Variants in TEX15 observed in about 807,000 individuals in gnomAD.
TEX15 encodes the protein testis expressed 15, meiosis and synapsis associated, also known as testis-expressed protein 15.
Under a neutral mutation model 237.3 loss-of-function variants are expected in TEX15, and 171 were observed. The ratio of observed to expected loss-of-function variants is 0.72; its 90% CI spans 0.64 to 0.82. The LOEUF (loss-of-function observed/expected upper bound fraction) is 0.82. Among genes scored for constraint, TEX15 ranks in the 40% least tolerant of loss-of-function variants. The pLI, the probability that TEX15 is intolerant of heterozygous loss-of-function variation, is 0.00. For synonymous variants in TEX15, 1,338 were observed against 1,269.8 expected, an observed-to-expected ratio of 1.05 and a Z score of -1.14; for missense variants, 3,750 against 3,646.5, an observed-to-expected ratio of 1.03 and a Z score of -0.73.
intron 2 of TEX15, chr8:30,887,855 A>G (rs917171094): frequency 6.8e-6 from 1 of 147,376 alleles, no homozygotes; most frequent in African/African-American, 2.5e-5. Flanking sequence ...TTTCACATAT[A>G]TATTTCGCAC....
chr8:30,910,664 T>C (rs1313274855), intron 1 of TEX15, among the ~76,000 whole-genome samples: 1 of 144,222 alleles, frequency 6.9e-6, no homozygotes, highest in Non-Finnish European at 1.5e-5. Context: ...TGCCCCAGGC[T>C]GGTCTTGAAC....
chr8:30,854,864 AAAC>A (rs1486453634), intron 7 of TEX15, among the ~76,000 whole-genome samples: 8 of 152,204 alleles, frequency 5.3e-5, no homozygotes, highest in East Asian at 1.9e-4. Context: ...ATATCGATAA[AAAC>A]AACAACAAAA....
Position 30,833,079 on chromosome 8 carries a change from G to A in TEX15, c.*207C>T, listed in dbSNP as rs1807216283. On this transcript the variant is annotated 3_prime_UTR_variant, in exon 11 of 11. Transcript: ENST00000643185. ...TATTACCCTCCCCTTATAATTGCAT[G>A]GAAATAATTCTGGTATATCAGATGT... 4.6e-6 allele frequency: 2 copies of A among 435,188 alleles called. No individual in the cohort carries two copies. The highest frequency in any genetic ancestry group is 8.2e-6 in the Non-Finnish European group (2 of 242,562). The allele number at this position is 435,188 out of a possible 1,614,324, so 27.0% of individuals were successfully genotyped here.
chr8:30,880,929 T>C (rs1167229577), intron 3 of TEX15, among the ~76,000 whole-genome samples: 2 of 152,196 alleles, frequency 1.3e-5, no homozygotes, highest in Non-Finnish European at 2.9e-5. Flanking sequence ...CCTTTCTTTT[T>C]TTTTTAAGAT....
intron 5 of TEX15, among the ~76,000 whole-genome samples, chr8:30,864,247 G>A (rs1172809564): frequency 6.8e-6 from 1 of 148,132 alleles, no homozygotes; most frequent in Non-Finnish European, 1.5e-5. Flanking sequence ...ATTGGAAAAC[G>A]AAAATTATTG....
rs772259883 is a variant in TEX15 at position 30,843,123 on chromosome 8, G to A, written c.7044C>T (p.Asn2348=). The A allele has an allele frequency of 1.4e-5, 22 of 1,612,994 alleles. No homozygotes were observed. In the South Asian group the frequency reaches 2.1e-4, roughly 15 times the overall value. The change falls in exon 8 of 11, where the codon AAC becomes AAT. Residue 2348 remains asparagine (N), a synonymous_variant. Transcript: ENST00000643185. ...AATTTTCTATGCTAATTGTTGCTTC[G>A]TTTATTGGATGATCTGACTTTCTGG... ...IASRKSDHPI[N]EATISIENSK...
chr8:30,843,032 C>T lies in TEX15; in HGVS notation c.7135G>A (p.Ala2379Thr). Residue 2379 changes from alanine (A) to threonine (T), a missense_variant, in exon 8 of 11, where the codon GCT becomes ACT. Coordinates refer to ENST00000643185, the MANE Select transcript of TEX15 (RefSeq NM_001350162.2). Reference protein sequence around the residue: ...ICCISEILDQAEFADLKKLQD... With the variant: ...ICCISEILDQTEFADLKKLQD... ...AATTTTTTAAGGTCTGCAAATTCAG[C>T]CTGATCCAATATCTCACTAATACAA... 1 of 1,613,502 alleles carries T rather than the reference C, an allele frequency of 6.2e-7. No homozygotes were observed. Among genetic ancestry groups the T allele is most frequent in the Admixed American group, 1.7e-5 (1 of 59,978 alleles).
Position 30,847,270 on chromosome 8 carries a change from G to A in TEX15, c.2897C>T (p.Ser966Phe), listed in dbSNP as rs763347090. ...NTGRSVEHLA[S>F]TTFPKTASSS... ...ACTTGCAGTTTTGGGAAATGTCGTGGAAGCCAAATGCTCTACACTTCTTCC... is the reference window on the plus strand; with the variant it reads ...ACTTGCAGTTTTGGGAAATGTCGTGAAAGCCAAATGCTCTACACTTCTTCC... The change falls in exon 8 of 11, where the codon TCC becomes TTC. Residue 966 changes from serine to phenylalanine, a missense_variant. Coordinates refer to ENST00000643185, the MANE Select transcript of TEX15 (RefSeq NM_001350162.2). The A allele has an allele frequency of 6.2e-7, 1 of 1,613,834 alleles. No homozygotes were observed. Among genetic ancestry groups the A allele is most frequent in the Non-Finnish European group, 8.5e-7 (1 of 1,179,840 alleles).
In TEX15 at chr8:30,910,172, A is replaced by AT. The variant is rs1809189385; in HGVS notation, c.-86+2706dup. Among the ~76,000 whole-genome samples, 3 of 152,068 alleles carry AT rather than the reference A, an allele frequency of 2.0e-5. No homozygotes were observed. The South Asian group carries it at 6.2e-4, about 32-fold the overall frequency. The stretch of plus-strand genomic sequence containing the variant: ...GTACAGTATATCATCCTTCGGTACA[A>AT]TAAAAAAAAAAAAACTTTAAAGTGC... On this transcript the variant is annotated intron_variant, in intron 1 of 10. Coordinates refer to ENST00000643185, the MANE Select transcript of TEX15 (RefSeq NM_001350162.2).
In TEX15 at chr8:30,912,925, G is replaced by C. The variant is rs1163262680; in HGVS notation, c.-132C>G. ...AGTCAGTTCCTCAGACTCAATCTTAGCACGGTACAGACCTTCGCCCACTGC... is the reference window on the plus strand; with the variant it reads ...AGTCAGTTCCTCAGACTCAATCTTACCACGGTACAGACCTTCGCCCACTGC... On this transcript the variant is annotated 5_prime_UTR_variant, in exon 1 of 11. Transcript: ENST00000643185. The C allele has an allele frequency of 3.3e-5, 5 of 152,312 alleles. No individual in the cohort carries two copies. Among genetic ancestry groups the C allele is most frequent in the African/African-American group, 9.7e-5 (4 of 41,438 alleles). The allele number at this position is 152,312 out of a possible 1,614,324, so 9.4% of individuals were successfully genotyped here.
chr8:30,883,170 C>T (rs537675695), intron 3 of TEX15, among the ~76,000 whole-genome samples: 3 of 151,928 alleles, frequency 2.0e-5, no homozygotes, highest in Non-Finnish European at 2.9e-5. Context: ...GAGTGCAGTG[C>T]TGTGATCATA....
chr8:30,834,258 C>T (rs772605947), intron 10 of TEX15, among the ~76,000 whole-genome samples: 1 of 152,218 alleles, frequency 6.6e-6, no homozygotes, highest in Non-Finnish European at 1.5e-5. Flanking sequence ...CTGCAACCTC[C>T]GCCTCCCAGA....
At chr8:30,870,356 A>G (rs1424591552) in intron 4 of TEX15, among the ~76,000 whole-genome samples, 4 of 152,030 alleles carry the variant, frequency 2.6e-5, no homozygotes, top group Admixed American at 2.6e-4. Context: ...TGGAATGCCT[A>G]TGTCATAGTT....
rs372803530 is a variant in TEX15 at position 30,846,434 on chromosome 8, G to A, written c.3733C>T (p.Arg1245Cys). 10 of 1,613,206 alleles carry A rather than the reference G, an allele frequency of 6.2e-6. No individual in the cohort carries two copies. Among genetic ancestry groups the A allele is most frequent in the Middle Eastern group, 1.7e-4 (1 of 6,060 alleles). Residue 1245 changes from arginine (R) to cysteine (C), a missense_variant, in exon 8 of 11, where the codon CGT becomes TGT. Transcript: ENST00000643185. ...GACGTATGATTCACATCTGTATTACGACTCAAGTCAAAAGAAAGGGAGATT... is the reference window on the plus strand; with the variant it reads ...GACGTATGATTCACATCTGTATTACAACTCAAGTCAAAAGAAAGGGAGATT... ...SEISLSFDLSRNTDVNHTSEN... is the reference protein window; with the variant it reads ...SEISLSFDLSCNTDVNHTSEN...
chr8:30,871,192 T>C (rs1272469896), intron 4 of TEX15, among the ~76,000 whole-genome samples: 1 of 152,018 alleles, frequency 6.6e-6, no homozygotes, highest in Non-Finnish European at 1.5e-5. Flanking sequence ...GTCTGTAACC[T>C]CAATCACACC....
chr8:30,859,077 T>C (rs536113622), intron 6 of TEX15, among the ~76,000 whole-genome samples: 1 of 152,208 alleles, frequency 6.6e-6, no homozygotes, highest in South Asian at 2.1e-4. Context: ...TAAAAAATAT[T>C]TTTTCATTAA....
chr8:30,908,841 T>C (rs1223208099), intron 1 of TEX15, among the ~76,000 whole-genome samples: 1 of 152,208 alleles, frequency 6.6e-6, no homozygotes, highest in African/African-American at 2.4e-5. Flanking sequence ...CCACACATTT[T>C]TGCATACAGT....
At chr8:30,909,363 C>A (rs1005229014) in intron 1 of TEX15, among the ~76,000 whole-genome samples, 1 of 150,916 alleles carries the variant, frequency 6.6e-6, no homozygotes, top group Non-Finnish European at 1.5e-5. Context: ...TGCATCTGTG[C>A]CAAAGTCTCA....
chr8:30,851,954 C>T, intron 7 of TEX15, among the ~76,000 whole-genome samples: 1 of 152,080 alleles, frequency 6.6e-6, no homozygotes. Flanking sequence ...AGCAAAAAAA[C>T]CCTAACTGCT....
Sources: gnomAD v4.1 joint callset for allele counts (sites outside exome capture counted in the v4.1 genomes callset) on GRCh38, gnomAD v4.1.1 for gene constraint, MANE v1.5 for transcripts, NCBI Gene and HGNC (gene_info 2026-07-23, HGNC 2026-07-21) for gene names.